FOXN3: variants seen among roughly 807,000 people sequenced by gnomAD.
FOXN3 encodes the protein forkhead box N3, also known as forkhead box protein N3.
FOXN3 carries 7 observed loss-of-function variants against 38.4 expected under a neutral mutation model. That is an observed-to-expected ratio of 0.18 (90% CI 0.10 to 0.34). FOXN3 has a LOEUF of 0.34. Ranked by LOEUF, FOXN3 falls within the 10% of genes least tolerant of loss-of-function variation. The probability of loss-of-function intolerance (pLI) is 1.00; values close to 1 mark genes in which losing one functional copy is unlikely to be tolerated. For missense variants in FOXN3, 456 were observed against 613.4 expected (o/e 0.74, Z 2.71); for synonymous variants, 230 against 242.2 (o/e 0.95, Z 0.47).
At chr14:89,607,290 A>G (rs449797) in intron 1 of FOXN3, among the ~76,000 whole-genome samples, 13 of 152,128 alleles carry the variant, frequency 8.5e-5, no homozygotes, top group African/African-American at 2.9e-4. Flanking sequence ...CAAGCCCGGT[A>G]GCTCATGCCT....
intron 4 of FOXN3, among the ~76,000 whole-genome samples, chr14:89,211,696 T>C (rs1306006376): frequency 6.6e-6 from 1 of 152,188 alleles, no homozygotes; most frequent in Non-Finnish European, 1.5e-5. Flanking sequence ...TGGCTTCAGA[T>C]TCACTCATCA....
rs760031425 is a variant in FOXN3, at chr14:89,350,658, T to A, written c.680+14A>T. 121 of 1,505,452 alleles carry A rather than the reference T, an allele frequency of 8.0e-5. No individual in the cohort carries two copies. The highest frequency in any genetic ancestry group is 1.1e-4 in the Non-Finnish European group (119 of 1,130,942). The allele number at this position is 1,505,452 out of a possible 1,614,324, so 93.3% of individuals were successfully genotyped here. A position where few individuals can be genotyped will look rare whatever the true frequency, so the allele number is the denominator to read the frequency against. ...ATTTCAGTAGACCAAAAAAAAGAAGTCTGAATTGCTTACCTTTGATATGCC... is the reference window on the plus strand; with the variant it reads ...ATTTCAGTAGACCAAAAAAAAGAAGACTGAATTGCTTACCTTTGATATGCC... On this transcript the variant is annotated intron_variant, in intron 3 of 5. Transcript: ENST00000557258.
At chr14:89,338,264 C>A (rs1939242212) in intron 3 of FOXN3, among the ~76,000 whole-genome samples, 1 of 152,168 alleles carries the variant, frequency 6.6e-6, no homozygotes, top group Non-Finnish European at 1.5e-5. Context: ...TTTCTGGCAT[C>A]CCAGAGCAAC....
chr14:89,261,703 G>A (rs1274504415), intron 4 of FOXN3, among the ~76,000 whole-genome samples: 1 of 152,288 alleles, frequency 6.6e-6, no homozygotes, highest in South Asian at 2.1e-4. Flanking sequence ...GCTGAGGCGG[G>A]CGGATCACGA....
intron 4 of FOXN3, among the ~76,000 whole-genome samples, chr14:89,202,774 T>A (rs1487461935): frequency 6.6e-6 from 1 of 152,018 alleles, no homozygotes; most frequent in Non-Finnish European, 1.5e-5. Context: ...ATGAGTGGAG[T>A]AGTCTCAGAT....
At chr14:89,290,757 T>C (rs1269838376) in intron 3 of FOXN3, 1 of 311,282 alleles carries the variant, frequency 3.2e-6, no homozygotes. Context: ...GGGATTCTTA[T>C]ATAGGCCTTC....
rs527822823 is a variant in FOXN3 at position 89,464,827 on chromosome 14, A to G, written c.-14-52337T>C. Among the ~76,000 whole-genome samples the G allele has an allele frequency of 1.4e-3, 207 of 152,132 alleles. 2 individuals carry two copies. The highest frequency in any genetic ancestry group is 0.01 in the Middle Eastern group (3 of 294). On this transcript the variant is annotated intron_variant, in intron 1 of 6. Coordinates refer to the FOXN3 transcript ENST00000345097. ...ATTCTCCTGCCTCAGCCTCTCGAAT[A>G]GCTGGGATTACAGCTGCCCACCACC...
chr14:89,525,492 CA>C (rs1400695133), intron 1 of FOXN3, among the ~76,000 whole-genome samples: 1 of 152,128 alleles, frequency 6.6e-6, no homozygotes, highest in Non-Finnish European at 1.5e-5. Flanking sequence ...CCAGAAAACC[CA>C]TGTATAATTC....
chr14:89,519,598 C>T (rs1894278882), intron 1 of FOXN3, among the ~76,000 whole-genome samples: 1 of 152,074 alleles, frequency 6.6e-6, no homozygotes, highest in Non-Finnish European at 1.5e-5. Flanking sequence ...TGTGAAGGGA[C>T]AAAAGCCTGT....
intron 3 of FOXN3, among the ~76,000 whole-genome samples, chr14:89,296,272 C>T (rs1305983856): frequency 2.0e-5 from 3 of 152,182 alleles, no homozygotes; most frequent in Non-Finnish European, 4.4e-5. Flanking sequence ...TATCTTTGTG[C>T]TACACAGTTT....
At chr14:89,374,263 C>CAAAAAAAAAA (rs35623770) in intron 2 of FOXN3, among the ~76,000 whole-genome samples, 16 of 48,170 alleles carry the variant, frequency 3.3e-4, no homozygotes, top group African/African-American at 1.3e-3. Flanking sequence ...GACCTTGTCT[C>CAAAAAAAAAA]AAAAAAAAAA....
chr14:89,282,805 G>A (rs1018629214), intron 3 of FOXN3, among the ~76,000 whole-genome samples: 7 of 152,166 alleles, frequency 4.6e-5, no homozygotes, highest in Non-Finnish European at 5.9e-5. Context: ...AAACTGAGTA[G>A]ACATCAGGGA....
chr14:89,212,223 T>C (rs547374821), intron 4 of FOXN3, among the ~76,000 whole-genome samples: 2 of 152,184 alleles, frequency 1.3e-5, no homozygotes, highest in Admixed American at 6.5e-5. Flanking sequence ...GAATAAGACA[T>C]GTTCTTTGGC....
At chr14:89,343,874 T>G (rs1348862154) in intron 3 of FOXN3, among the ~76,000 whole-genome samples, 1 of 152,126 alleles carries the variant, frequency 6.6e-6, no homozygotes, top group Non-Finnish European at 1.5e-5. Context: ...GCAATTCTCC[T>G]GCCTTAGCCT....
intron 4 of FOXN3, chr14:89,230,738 C>T: frequency 2.7e-6 from 1 of 366,018 alleles, no homozygotes; most frequent in Non-Finnish European, 5.6e-6. Flanking sequence ...ACAGGCGCCA[C>T]ACACTCTTTA....
At chr14:89,261,103 C>T (rs2148408) in intron 4 of FOXN3, among the ~76,000 whole-genome samples, 6,203 of 152,270 alleles carry the variant, frequency 0.041, 273 homozygotes, top group African/African-American at 0.11. Context: ...AAACTCTGGA[C>T]CATGCACATA....
intron 1 of FOXN3, among the ~76,000 whole-genome samples, chr14:89,425,445 G>A (rs903271442): frequency 2.0e-5 from 3 of 151,724 alleles, no homozygotes; most frequent in African/African-American, 4.8e-5. Flanking sequence ...TCGGCTCACC[G>A]CGACCTCTGC....
intron 2 of FOXN3, among the ~76,000 whole-genome samples, chr14:89,359,807 A>G (rs1012329213): frequency 6.6e-6 from 1 of 152,202 alleles, no homozygotes; most frequent in Non-Finnish European, 1.5e-5. Flanking sequence ...CAACAGCCTG[A>G]CTTAGAGAAT....
At chr14:89,312,994 C>G (rs750379941) in intron 3 of FOXN3, among the ~76,000 whole-genome samples, 1 of 152,198 alleles carries the variant, frequency 6.6e-6, no homozygotes, top group Non-Finnish European at 1.5e-5. Flanking sequence ...AAAGCCCTGT[C>G]GCTTTGTCCC....
Sources: gnomAD v4.1 joint callset for allele counts (sites outside exome capture counted in the v4.1 genomes callset) on GRCh38, gnomAD v4.1.1 for gene constraint, MANE v1.5 for transcripts, NCBI Gene and HGNC (gene_info 2026-07-23, HGNC 2026-07-21) for gene names.